Variants in ACOT1 observed in about 807,000 individuals in gnomAD.
ACOT1 encodes the protein acyl-CoA thioesterase 1.
In ACOT1, 8 loss-of-function variants were observed where a neutral mutation model predicts 15.7. That is an observed-to-expected ratio of 0.51 (90% CI 0.30 to 0.92). The LOEUF is 0.92. ACOT1 is among the 40% of genes least tolerant of loss of function. The pLI is 0.06. For synonymous variants in ACOT1, 67 were observed against 241.2 expected (o/e 0.28, Z 6.69); for missense variants, 151 against 539.4 (o/e 0.28, Z 7.13).
chr14:73,508,307 G>T, the ACOT1 span: 21 of 1,612,218 alleles, frequency 1.3e-5, no homozygotes, highest in Non-Finnish European at 1.5e-5. Flanking sequence ...GCCACAGTTG[G>T]GTGAAAAAGA....
the ACOT1 span, chr14:73,492,224 T>G: frequency 6.2e-7 from 1 of 1,614,008 alleles, no homozygotes; most frequent in Non-Finnish European, 8.5e-7. This position sits in a 1 kb window ranked among gnomAD's most constrained non-coding sequence, Gnocchi z 4.9. Context: ...TCCTCGGGGC[T>G]TCATTCACCA....
chr14:73,491,268 C>G, the ACOT1 span: 1 of 1,567,900 alleles, frequency 6.4e-7, no homozygotes, highest in Non-Finnish European at 8.6e-7. Context: ...GGTGGGGCGG[C>G]GGTGGCGGCC....
At chr14:73,493,180 G>A in the ACOT1 span, 2 of 1,417,124 alleles carry the variant, frequency 1.4e-6, no homozygotes, top group Admixed American at 1.7e-5. Context: ...CTTGATCCGT[G>A]ATCATTTCAG....
the ACOT1 span, among the ~76,000 whole-genome samples, chr14:73,503,923 CT>C: frequency 6.6e-6 from 1 of 152,200 alleles, no homozygotes; most frequent in Non-Finnish European, 1.5e-5. Context: ...ACCTCAACCC[CT>C]GCTAGCTCTG....
At chr14:73,512,132 C>G in the ACOT1 span, 17 of 1,614,192 alleles carry the variant, frequency 1.1e-5, no homozygotes, top group South Asian at 7.7e-5. Flanking sequence ...TCTACTGTCT[C>G]ATGGTGCCAC....
At chr14:73,515,375 C>G in the ACOT1 span, among the ~76,000 whole-genome samples, 3 of 151,864 alleles carry the variant, frequency 2.0e-5, no homozygotes, top group African/African-American at 4.8e-5. Context: ...TTTCTTTCTT[C>G]TAATGTAAAA....
At chr14:73,518,461 C>T in the ACOT1 span, among the ~76,000 whole-genome samples, 1 of 151,916 alleles carries the variant, frequency 6.6e-6, no homozygotes, top group South Asian at 2.1e-4. Flanking sequence ...TTTCTGCACA[C>T]CACTGGGCCC....
chr14:73,517,688 G>A, the ACOT1 span, among the ~76,000 whole-genome samples: 10 of 127,646 alleles, frequency 7.8e-5, no homozygotes, highest in Admixed American at 1.7e-4. Context: ...AAAAGAAGAA[G>A]AAAAGAGAGA....
At chr14:73,499,407 G>C in the ACOT1 span, among the ~76,000 whole-genome samples, 4 of 152,158 alleles carry the variant, frequency 2.6e-5, no homozygotes, top group Non-Finnish European at 5.9e-5. Context: ...TTGGACCTGG[G>C]AGGCGGAGGT....
the ACOT1 span, chr14:73,522,729 C>T: frequency 6.2e-7 from 1 of 1,614,206 alleles, no homozygotes; most frequent in Non-Finnish European, 8.5e-7. Flanking sequence ...TCGGGATTGG[C>T]AGAGCTTTCT....
the ACOT1 span, among the ~76,000 whole-genome samples, chr14:73,524,976 G>A: frequency 4.6e-5 from 7 of 151,964 alleles, no homozygotes; most frequent in Admixed American, 3.3e-4. Context: ...AAAAGTGACC[G>A]TATTGTATTT....
the ACOT1 span, chr14:73,498,449 T>C: frequency 2.1e-6 from 2 of 974,816 alleles, no homozygotes; most frequent in East Asian, 5.3e-5. Flanking sequence ...TTTTGGATGG[T>C]AATCACCATT....
chr14:73,496,464 T>C, the ACOT1 span: 1 of 603,194 alleles, frequency 1.7e-6, no homozygotes, highest in Non-Finnish European at 3.0e-6. Context: ...TCAAATGATG[T>C]GGCATCTGTG....
the ACOT1 span, among the ~76,000 whole-genome samples, chr14:73,524,310 A>AATATATATATATATATATAT: frequency 1.8e-5 from 1 of 54,772 alleles, no homozygotes. Flanking sequence ...AAAAAAAAAA[A>AATATATATATATATATATAT]ATATATATAT....
At chr14:73,519,477 G>A in the ACOT1 span, among the ~76,000 whole-genome samples, 2 of 152,204 alleles carry the variant, frequency 1.3e-5, no homozygotes, top group South Asian at 2.1e-4. Flanking sequence ...CGGGTGTGGT[G>A]GCTCACACCT....
chr14:73,502,046 ATT>A, the ACOT1 span, among the ~76,000 whole-genome samples: 27 of 133,860 alleles, frequency 2.0e-4, no homozygotes, highest in Non-Finnish European at 2.3e-4. Context: ...CGCCCGGCCA[ATT>A]TTTTTTTTTT....
chr14:73,495,447 T>A, the ACOT1 span: 6 of 1,397,052 alleles, frequency 4.3e-6, no homozygotes, highest in African/African-American at 4.3e-5. Context: ...AGGCAGCAAA[T>A]TATCAAAAAA....
At chr14:73,527,073 G>C in the ACOT1 span, among the ~76,000 whole-genome samples, 1 of 152,168 alleles carries the variant, frequency 6.6e-6, no homozygotes, top group African/African-American at 2.4e-5. Context: ...CAGTTGCAGG[G>C]GTCATAGGCT....
At chr14:73,521,301 A>T in the ACOT1 span, among the ~76,000 whole-genome samples, 2 of 152,120 alleles carry the variant, frequency 1.3e-5, no homozygotes, top group African/African-American at 4.8e-5. Context: ...AGCAGGGCAG[A>T]GTGGCGGTGC....
Sources: allele counts gnomAD v4.1 joint callset (sites outside exome capture counted in the v4.1 genomes callset), GRCh38; gene constraint gnomAD v4.1.1; non-coding constraint Gnocchi (gnomAD v3.1); transcripts MANE v1.5; gene names NCBI Gene and HGNC (gene_info 2026-07-23, HGNC 2026-07-21).